GTF2A1: variants seen among roughly 807,000 people sequenced by gnomAD.
GTF2A1 encodes the protein transcription initiation factor IIA subunit 1.
GTF2A1 carries 12 observed loss-of-function variants against 54.1 expected under a neutral mutation model. That is an observed-to-expected ratio of 0.22 (90% CI 0.14 to 0.36). GTF2A1 has a LOEUF of 0.36. Among genes scored for constraint, GTF2A1 ranks in the 10% least tolerant of loss-of-function variants. The pLI, the probability that GTF2A1 is intolerant of heterozygous loss-of-function variation, is 1.00. For missense variants in GTF2A1, 335 were observed against 442.2 expected (o/e 0.76, Z 2.17); for synonymous variants, 145 against 152.0 (o/e 0.95, Z 0.34).
chr14:81,197,266 C>T (rs1893012024), intron 5 of GTF2A1, 143 bp downstream of exon 5: 1 of 583,642 alleles, frequency 1.7e-6, no homozygotes, highest in Non-Finnish European at 3.1e-6. Context: ...TTACAGCCCT[C>T]AAATAAAGTT....
intron 6 of GTF2A1, 23 bp from the exon 7 acceptor site, chr14:81,192,862 A>G: frequency 7.5e-7 from 1 of 1,333,356 alleles, no homozygotes; most frequent in Non-Finnish European, 1.1e-6. Context: ...AAAACCACAT[A>G]ACAGTAACTA....
chr14:81,196,324 C>T (rs1892993077), intron 5 of GTF2A1, 83 bp from the exon 6 acceptor site: 1 of 1,344,016 alleles, frequency 7.4e-7, no homozygotes, highest in East Asian at 2.3e-5. Flanking sequence ...AATTTCATAC[C>T]ACCAAAGGCA....
chr14:81,205,533 C>A (rs541861569), intron 2 of GTF2A1, among the ~76,000 whole-genome samples: 2 of 152,294 alleles, frequency 1.3e-5, no homozygotes, highest in Admixed American at 1.3e-4. Flanking sequence ...ATCAGTGTTA[C>A]ATAAAGTTGG....
chr14:81,207,862 T>C (rs966155929), intron 2 of GTF2A1, among the ~76,000 whole-genome samples: 3 of 152,160 alleles, frequency 2.0e-5, no homozygotes, highest in Non-Finnish European at 2.9e-5. Context: ...ACTTGAGAGA[T>C]GATTTAGGTT....
chr14:81,185,864 T>G (rs1040858823), intron 7 of GTF2A1, among the ~76,000 whole-genome samples: 3 of 152,220 alleles, frequency 2.0e-5, no homozygotes, highest in African/African-American at 7.2e-5. Context: ...TTATCTTTAT[T>G]TTCTTCTTTC....
chr14:81,194,512 T>G (rs1259639608), intron 6 of GTF2A1, among the ~76,000 whole-genome samples: 2 of 152,218 alleles, frequency 1.3e-5, no homozygotes. Flanking sequence ...GTAAATAAAC[T>G]GGATTAATAG....
At chr14:81,205,608 C>T (rs552183078) in intron 2 of GTF2A1, among the ~76,000 whole-genome samples, 77 of 152,296 alleles carry the variant, frequency 5.1e-4, no homozygotes, top group African/African-American at 1.8e-3. Flanking sequence ...GAGCCTTACA[C>T]CAGAAGTCAG....
intron 2 of GTF2A1, among the ~76,000 whole-genome samples, chr14:81,212,601 C>T (rs1019666508): frequency 2.0e-5 from 3 of 152,156 alleles, no homozygotes; most frequent in African/African-American, 7.2e-5. Flanking sequence ...CAGCCTTATA[C>T]AAGCTTTTGA....
At chr14:81,188,801 C>T (rs1163124101) in intron 7 of GTF2A1, among the ~76,000 whole-genome samples, 2 of 151,822 alleles carry the variant, frequency 1.3e-5, no homozygotes, top group Non-Finnish European at 2.9e-5. Flanking sequence ...GAAACTGTTG[C>T]CAAAGCTATG....
In GTF2A1 at chr14:81,192,807, T is replaced by C; in HGVS notation, c.645A>G (p.Pro215=). Residue 215 remains proline (P), a synonymous_variant, in exon 7 of 9, where the codon CCA becomes CCG. Transcript: ENST00000553612. ...GAGGCTGGATGATGACACCTGTCTGTGGTGAAATCCCTCCAGGAAGAGGAG... is the reference window on the plus strand; with the variant it reads ...GAGGCTGGATGATGACACCTGTCTGCGGTGAAATCCCTCCAGGAAGAGGAG... ...VLAPLPGGIS[P]QTGVIIQPQQ... is the part of the protein sequence containing the mutation. 6.2e-7 allele frequency: 1 copy of C among 1,613,018 alleles called. No homozygotes were observed. Among genetic ancestry groups the C allele is most frequent in the Middle Eastern group, 1.7e-4 (1 of 6,058 alleles).
intron 4 of GTF2A1, among the ~76,000 whole-genome samples, chr14:81,199,902 T>C (rs1025173179): frequency 2.0e-5 from 3 of 151,990 alleles, no homozygotes; most frequent in African/African-American, 4.8e-5. Flanking sequence ...CCCTAGGATA[T>C]AGTCTTAATA....
At chr14:81,201,725 T>A in intron 3 of GTF2A1, 67 bp from the exon 4 acceptor site, 1 of 1,018,414 alleles carries the variant, frequency 9.8e-7, no homozygotes. Context: ...CAAGAACACT[T>A]TACATACAAT....
chr14:81,219,853 C>T (rs2140047730), intron 1 of GTF2A1, among the ~76,000 whole-genome samples: 1 of 152,268 alleles, frequency 6.6e-6, no homozygotes, highest in South Asian at 2.1e-4. Context: ...GGCGAAGATA[C>T]GATGGGGGTC....
chr14:81,195,673 T>C (rs1389568041), intron 6 of GTF2A1, among the ~76,000 whole-genome samples: 1 of 145,800 alleles, frequency 6.9e-6, no homozygotes, highest in Non-Finnish European at 1.5e-5. Context: ...TTAACAAGAA[T>C]TGGTAGGGCT....
intron 7 of GTF2A1, among the ~76,000 whole-genome samples, chr14:81,186,336 G>A (rs1026380738): frequency 6.6e-6 from 1 of 152,162 alleles, no homozygotes; most frequent in Non-Finnish European, 1.5e-5. Context: ...CAATGCAATA[G>A]GCTAGCAGTC....
intron 6 of GTF2A1, 48 bp from the exon 7 acceptor site, chr14:81,192,887 G>A (rs1253537759): frequency 4.8e-6 from 5 of 1,031,482 alleles, no homozygotes; most frequent in Non-Finnish European, 7.4e-6. Flanking sequence ...AGAGGATCAA[G>A]TATGGTACAC....
chr14:81,177,510 G>A lies in GTF2A1; in HGVS notation c.*2713C>T, dbSNP rs1476535702. On this transcript the variant is annotated 3_prime_UTR_variant, in exon 9 of 9. Coordinates refer to ENST00000553612, the MANE Select transcript of GTF2A1 (RefSeq NM_015859.4). ...TTTCCATGTTTTATCTTGTAATTTT[G>A]TGTAAATTTTCCTTAGCACTGTTGA... is the stretch of plus-strand genomic sequence containing the variant. 6.6e-6 allele frequency: 1 copy of A among 152,056 alleles called. No homozygotes were observed. The allele number at this position is 152,056 out of a possible 1,614,324, so 9.4% of individuals were successfully genotyped here. A position where few individuals can be genotyped will look rare whatever the true frequency, so the allele number is the denominator to read the frequency against.
rs1033990240 is a variant in GTF2A1 at position 81,209,207 on chromosome 14, C to A, written c.133-5103G>T. Among the ~76,000 whole-genome samples, 12 of 152,306 alleles carry A rather than the reference C, an allele frequency of 7.9e-5. 1 individual carries two copies. In the South Asian group the frequency reaches 2.3e-3, roughly 29 times the overall value. ...GGGACACAGCAGGAGGTAACTGAAT[C>A]ATAGGGCCCAGTCTTTCCCATACTA... On this transcript the variant is annotated intron_variant, in intron 2 of 8. Coordinates refer to ENST00000553612, the MANE Select transcript of GTF2A1 (RefSeq NM_015859.4).
intron 2 of GTF2A1, among the ~76,000 whole-genome samples, chr14:81,204,611 C>T (rs1893189485): frequency 6.6e-6 from 1 of 152,258 alleles, no homozygotes; most frequent in African/African-American, 2.4e-5. Context: ...GAAGAAAAGC[C>T]TAACTTTCCA....
Sources: gnomAD v4.1 joint callset for allele counts (sites outside exome capture counted in the v4.1 genomes callset) on GRCh38, gnomAD v4.1.1 for gene constraint, MANE v1.5 for transcripts, NCBI Gene and HGNC (gene_info 2026-07-23, HGNC 2026-07-21) for gene names.